ADGRL3: variants seen among roughly 807,000 people sequenced by gnomAD.
ADGRL3 encodes calcium-independent alpha-latrotoxin receptor 3.
Under a neutral mutation model 153.5 loss-of-function variants are expected in ADGRL3, and 62 were observed. That is an observed-to-expected ratio of 0.40 (90% confidence interval 0.33 to 0.50). The LOEUF (loss-of-function observed/expected upper bound fraction) is 0.50, where lower values mean the gene tolerates loss of function less well. Ranked by LOEUF, ADGRL3 falls within the 20% of genes least tolerant of loss-of-function variation. The pLI is 0.47. For missense variants in ADGRL3, 1,641 were observed against 1,859.4 expected (o/e 0.88, Z 2.16); for synonymous variants, 710 against 672.5 (o/e 1.06, Z -0.86).
chr4:61,692,840 C>A (rs918815101), intron 6 of ADGRL3, among the ~76,000 whole-genome samples: 1 of 152,092 alleles, frequency 6.6e-6, no homozygotes, highest in African/African-American at 2.4e-5. Context: ...TTGAAAAATT[C>A]TATGATTCTA....
rs112550100 is a variant in ADGRL3, at chr4:61,982,929, A to G, written c.3016-454A>G. Among the ~76,000 whole-genome samples, 256 of 152,258 alleles carry G rather than the reference A, an allele frequency of 1.7e-3. 2 individuals are homozygous for G. Among genetic ancestry groups the G allele is most frequent in the African/African-American group, 5.6e-3 (231 of 41,558 alleles). ...CATCATGAAAAGACTGCAATTAACT[A>G]CACTAATTTTCCCCTTAGTTTTAAT... is the stretch of plus-strand genomic sequence containing the variant. On this transcript the variant is annotated intron_variant, in intron 18 of 26. Transcript: ENST00000683033.
intron 1 of ADGRL3, among the ~76,000 whole-genome samples, chr4:61,281,637 T>C (rs2093727722): frequency 6.6e-6 from 1 of 152,122 alleles, no homozygotes; most frequent in Non-Finnish European, 1.5e-5. Flanking sequence ...AGATGCCTTA[T>C]CGCCATGAAG....
chr4:61,760,648 C>T (rs758427820), intron 8 of ADGRL3, among the ~76,000 whole-genome samples: 2 of 152,176 alleles, frequency 1.3e-5, no homozygotes, highest in Non-Finnish European at 2.9e-5. Flanking sequence ...ACGCTGGGTG[C>T]GCTGCACCCA....
intron 1 of ADGRL3, among the ~76,000 whole-genome samples, chr4:61,329,167 C>T (rs1422499196): frequency 6.6e-6 from 1 of 152,120 alleles, no homozygotes; most frequent in African/African-American, 2.4e-5. Flanking sequence ...AGCTATAACC[C>T]TACCATTTAA....
chr4:61,809,695 T>C (rs186087597), intron 8 of ADGRL3, among the ~76,000 whole-genome samples: 2 of 152,210 alleles, frequency 1.3e-5, no homozygotes, highest in East Asian at 1.9e-4. Flanking sequence ...CTGCTTGCTT[T>C]CTTCTCACTC....
chr4:61,657,712 C>T (rs2094479219), intron 5 of ADGRL3, among the ~76,000 whole-genome samples: 1 of 152,056 alleles, frequency 6.6e-6, no homozygotes, highest in Non-Finnish European at 1.5e-5. Context: ...GAGAAAAAAG[C>T]AAACAACAAT....
chr4:61,519,691 GAT>G (rs1181475003), intron 4 of ADGRL3, among the ~76,000 whole-genome samples: 4 of 152,118 alleles, frequency 2.6e-5, no homozygotes. Flanking sequence ...TGAAGTAAGA[GAT>G]ATCACATTAT....
chr4:61,998,160 C>T lies in ADGRL3; in HGVS notation c.3304-14C>T. 1.4e-6 allele frequency: 2 copies of T among 1,444,256 alleles called. No individual in the cohort carries two copies. The highest frequency in any genetic ancestry group is 9.5e-7 in the Non-Finnish European group (1 of 1,055,364). The allele number at this position is 1,444,256 out of a possible 1,614,324, so 89.5% of individuals were successfully genotyped here. A position where few individuals can be genotyped will look rare whatever the true frequency, so the allele number is the denominator to read the frequency against. On this transcript the variant is annotated splice_polypyrimidine_tract_variant and intron_variant, in intron 20 of 26. Transcript: ENST00000683033. Reference sequence around the variant, plus strand: ...CTCCAATTATGCTACATAACACTACCTTTTGCATTCCAGCTTAATGTAATC... The same window carrying T: ...CTCCAATTATGCTACATAACACTACTTTTTGCATTCCAGCTTAATGTAATC...
At position 61,261,975 on chromosome 4, in the gene ADGRL3, G is replaced by A. The variant is rs552926973; in HGVS notation, c.-240+60210G>A. ...AGAGCTTAGACTTCAAGGGGAGTTA[G>A]AGATGTTTGGGAACGACGAGATTGA... On this transcript the variant is annotated intron_variant, in intron 1 of 26. Coordinates refer to ENST00000683033, the MANE Select transcript of ADGRL3 (RefSeq NM_001387552.1). Among the ~76,000 whole-genome samples, 4 of 148,512 alleles carry A rather than the reference G, an allele frequency of 2.7e-5. No individual in the cohort carries two copies. The South Asian group carries it at 8.5e-4, about 32-fold the overall frequency.
At chr4:61,719,595 C>T (rs4860428) in intron 6 of ADGRL3, among the ~76,000 whole-genome samples, 103,589 of 150,034 alleles carry the variant, frequency 0.69, 36,535 homozygotes, top group East Asian at 0.93. Context: ...TCTTTCACCT[C>T]TGTCATACCT....
intron 9 of ADGRL3, among the ~76,000 whole-genome samples, chr4:61,821,667 A>T (rs1253057892): frequency 6.6e-6 from 1 of 152,142 alleles, no homozygotes; most frequent in East Asian, 1.9e-4. Flanking sequence ...AGACAAAGCT[A>T]ATTTTTCACA....
chr4:61,646,799 C>T (rs1242656419), intron 5 of ADGRL3, among the ~76,000 whole-genome samples: 2 of 152,182 alleles, frequency 1.3e-5, no homozygotes. Context: ...CTGTGGTGGG[C>T]TCCACCCAGT....
chr4:61,256,066 C>A (rs541808424), intron 1 of ADGRL3, among the ~76,000 whole-genome samples: 3 of 152,244 alleles, frequency 2.0e-5, no homozygotes, highest in African/African-American at 7.2e-5. Flanking sequence ...GGTCTTTAGT[C>A]AAAGGGTCCA....
chr4:61,338,664 A>G (rs189212992), intron 1 of ADGRL3, among the ~76,000 whole-genome samples: 9 of 152,248 alleles, frequency 5.9e-5, no homozygotes, highest in East Asian at 1.9e-4. Flanking sequence ...CAGGAGAACA[A>G]TTTATCCTTT....
intron 21 of ADGRL3, among the ~76,000 whole-genome samples, chr4:62,006,237 A>C (rs1465626116): frequency 6.6e-6 from 1 of 151,212 alleles, no homozygotes; most frequent in Admixed American, 6.6e-5. Context: ...GGTTTCACCA[A>C]GTTGGCCAGA....
intron 2 of ADGRL3, among the ~76,000 whole-genome samples, chr4:61,388,744 A>G (rs2096769463): frequency 6.6e-6 from 1 of 152,132 alleles, no homozygotes; most frequent in South Asian, 2.1e-4. Flanking sequence ...CCCTGGCTTC[A>G]TTGCTGCGTG....
chr4:61,767,169 G>T (rs1234106973), intron 8 of ADGRL3, among the ~76,000 whole-genome samples: 1 of 151,954 alleles, frequency 6.6e-6, no homozygotes, highest in Non-Finnish European at 1.5e-5. Flanking sequence ...ACAAGAGGAG[G>T]ACCCAAAGGA....
intron 11 of ADGRL3, among the ~76,000 whole-genome samples, chr4:61,899,415 C>T (rs2098651109): frequency 6.6e-6 from 1 of 151,990 alleles, no homozygotes; most frequent in Admixed American, 6.6e-5. Flanking sequence ...GTTTCATTCT[C>T]CCCTTTACCC....
intron 9 of ADGRL3, among the ~76,000 whole-genome samples, chr4:61,829,137 T>C (rs1421679732): frequency 3.3e-5 from 5 of 152,226 alleles, no homozygotes; most frequent in African/African-American, 4.8e-5. Flanking sequence ...CTATCACACC[T>C]GGTGCAGGGA....
Sources: allele counts gnomAD v4.1 joint callset (sites outside exome capture counted in the v4.1 genomes callset), GRCh38; gene constraint gnomAD v4.1.1; transcripts MANE v1.5; gene names NCBI Gene and HGNC (gene_info 2026-07-23, HGNC 2026-07-21).